Variants in KBTBD3 observed in about 807,000 individuals in gnomAD.
KBTBD3 encodes the protein kelch repeat and BTB domain containing 3.
Under a neutral mutation model 49.6 loss-of-function variants are expected in KBTBD3, and 38 were observed. The observed-to-expected ratio is 0.77, with a 90% CI of 0.59 to 1.00. The LOEUF is 1.00. Among genes scored for constraint, KBTBD3 ranks in the 50% least tolerant of loss-of-function variants. The pLI, the probability that KBTBD3 is intolerant of heterozygous loss-of-function variation, is 0.00. For missense variants in KBTBD3, 661 were observed against 712.0 expected (o/e 0.93, Z 0.81); for synonymous variants, 214 against 250.4 (o/e 0.85, Z 1.37).
At position 106,052,753 on chromosome 11, in the gene KBTBD3, A is replaced by C. The variant is rs1239620008; in HGVS notation, c.*97T>G. The C allele has an allele frequency of 2.1e-6, 2 of 939,888 alleles. No individual in the cohort carries two copies. Among genetic ancestry groups the C allele is most frequent in the Non-Finnish European group, 3.2e-6 (2 of 621,428 alleles). The allele number at this position is 939,888 out of a possible 1,614,324, so 58.2% of individuals were successfully genotyped here. On this transcript the variant is annotated 3_prime_UTR_variant, in exon 4 of 4. Coordinates refer to ENST00000531837, the MANE Select transcript of KBTBD3 (RefSeq NM_198439.3). ...TACATACATAATAACTAAAAGCAGG[A>C]ATGTTTTATTTCATTAAGATGTATA...
intron 2 of KBTBD3, among the ~76,000 whole-genome samples, chr11:106,065,085 G>A (rs1860779513): frequency 6.6e-6 from 1 of 152,188 alleles, no homozygotes; most frequent in Non-Finnish European, 1.5e-5. Flanking sequence ...CATCCTCCAG[G>A]CTATCCAGTA....
At chr11:106,057,406 T>C (rs1860575192) in intron 3 of KBTBD3, 1 of 152,226 alleles carries the variant, frequency 6.6e-6, no homozygotes, top group Non-Finnish European at 1.5e-5. Context: ...CTTCCACAAA[T>C]GAACATAATG....
rs73537630 is a variant in KBTBD3 at position 106,067,067 on chromosome 11, T to C, written c.-12-7958A>G. On this transcript the variant is annotated intron_variant, in intron 2 of 3. Coordinates refer to ENST00000531837, the MANE Select transcript of KBTBD3 (RefSeq NM_198439.3). ...CCAGTGGGCACACACATAAACAGCC[T>C]CCAAACTGCCCTCTTTAATCACAGA... 3.3e-3 allele frequency among the ~76,000 whole-genome samples: 497 copies of C among 152,116 alleles called. 2 individuals carry two copies. Among genetic ancestry groups the C allele is most frequent in the African/African-American group, 0.011 (471 of 41,478 alleles).
rs1359154636 is a variant in KBTBD3 at position 106,052,029 on chromosome 11, A to G, written c.*821T>C. 6.6e-6 allele frequency: 1 copy of G among 151,932 alleles called. No homozygotes were observed. The highest frequency in any genetic ancestry group is 2.4e-5 in the African/African-American group (1 of 41,432). The allele number at this position is 151,932 out of a possible 1,614,324, so 9.4% of individuals were successfully genotyped here. On this transcript the variant is annotated 3_prime_UTR_variant, in exon 4 of 4. Coordinates refer to ENST00000531837, the MANE Select transcript of KBTBD3 (RefSeq NM_198439.3). ...TGGAACCTAGCAATGATACATAAAA[A>G]GTATTTTAGTACTGCCATCCCAGAA...
chr11:106,077,124 G>A (rs1473231139), intron 1 of KBTBD3, among the ~76,000 whole-genome samples, 188 bp downstream of exon 1: 1 of 152,162 alleles, frequency 6.6e-6, no homozygotes, highest in Non-Finnish European at 1.5e-5. Flanking sequence ...ACTCAGGGCT[G>A]ATGCGTTGCA....
At chr11:106,064,479 G>C (rs1287657586) in intron 2 of KBTBD3, among the ~76,000 whole-genome samples, 2 of 151,724 alleles carry the variant, frequency 1.3e-5, no homozygotes, top group Non-Finnish European at 2.9e-5. Context: ...GGGAGGCAGA[G>C]GTTGCAGTGG....
At chr11:106,063,433 A>C (rs1378090473) in intron 2 of KBTBD3, among the ~76,000 whole-genome samples, 1 of 152,224 alleles carries the variant, frequency 6.6e-6, no homozygotes, top group Non-Finnish European at 1.5e-5. Context: ...ACTCCGTTAA[A>C]TTTTATTTAT....
At chr11:106,077,052 C>T (rs878934348) in intron 1 of KBTBD3, among the ~76,000 whole-genome samples, 1 of 152,060 alleles carries the variant, frequency 6.6e-6, no homozygotes, top group Non-Finnish European at 1.5e-5. Flanking sequence ...TGCTAAGGGT[C>T]GGGAGCGTAC....
intron 2 of KBTBD3, among the ~76,000 whole-genome samples, chr11:106,073,149 A>G (rs986050120): frequency 2.0e-5 from 3 of 152,018 alleles, no homozygotes; most frequent in Admixed American, 2.0e-4. Flanking sequence ...GATGGACTGC[A>G]GTGGCAAGAT....
chr11:106,061,747 A>C (rs924746657), intron 2 of KBTBD3, among the ~76,000 whole-genome samples: 1 of 151,900 alleles, frequency 6.6e-6, no homozygotes, highest in Non-Finnish European at 1.5e-5. Context: ...TAATCACATG[A>C]GCTAATTCCT....
intron 3 of KBTBD3, 32 bp from the exon 4 acceptor site, chr11:106,054,487 A>T: frequency 6.9e-7 from 1 of 1,441,772 alleles, no homozygotes; most frequent in Non-Finnish European, 9.2e-7. Context: ...AAAAACAGCA[A>T]GAATATTTTA....
At chr11:106,057,850 C>G (rs779214955) in intron 3 of KBTBD3, 3 of 376,102 alleles carry the variant, frequency 8.0e-6, no homozygotes, top group East Asian at 7.6e-5. Context: ...CAACACAGGA[C>G]GGAAATTTTC....
At chr11:106,063,703 T>C (rs1860749410) in intron 2 of KBTBD3, among the ~76,000 whole-genome samples, 1 of 152,130 alleles carries the variant, frequency 6.6e-6, no homozygotes, top group East Asian at 1.9e-4. Flanking sequence ...AAGGCTGAGA[T>C]GGGCAGATCA....
At chr11:106,059,570 G>A (rs1860639981) in intron 2 of KBTBD3, among the ~76,000 whole-genome samples, 1 of 152,158 alleles carries the variant, frequency 6.6e-6, no homozygotes, top group Admixed American at 6.5e-5. Flanking sequence ...GCCTTCTGAG[G>A]TTAGACTTTT....
intron 2 of KBTBD3, among the ~76,000 whole-genome samples, chr11:106,074,957 A>G (rs1283546604): frequency 5.3e-5 from 8 of 152,228 alleles, no homozygotes; most frequent in Non-Finnish European, 1.2e-4. Context: ...TTGTGACCCA[A>G]TAAAAAGTTA....
chr11:106,053,066 G>A lies in KBTBD3; in HGVS notation c.1623C>T (p.Gly541=). 1.9e-6 allele frequency: 3 copies of A among 1,613,594 alleles called. No homozygotes were observed. The highest frequency in any genetic ancestry group is 2.5e-6 in the Non-Finnish European group (3 of 1,179,726). Residue 541 remains glycine (G), a synonymous_variant, in exon 4 of 4, where the codon GGC becomes GGT. Coordinates refer to ENST00000531837, the MANE Select transcript of KBTBD3 (RefSeq NM_198439.3). The part of the protein sequence containing the change: ...WKGEGSFECA[G]FNAGAIGIED... The stretch of plus-strand genomic sequence containing the variant: ...CAATTCCAATTGCACCTGCATTAAA[G>A]CCTGCACACTCAAAAGATCCTTCGC...
intron 3 of KBTBD3, among the ~76,000 whole-genome samples, chr11:106,058,456 G>A (rs1406515804): frequency 6.6e-6 from 1 of 151,186 alleles, no homozygotes; most frequent in African/African-American, 2.4e-5. Context: ...ATGGAGTCTC[G>A]CTCCATTGCC....
At chr11:106,064,510 C>A (rs1162249758) in intron 2 of KBTBD3, among the ~76,000 whole-genome samples, 1 of 148,006 alleles carries the variant, frequency 6.8e-6, no homozygotes, top group African/African-American at 2.5e-5. Flanking sequence ...TGCCATTGCA[C>A]TCCAGCCTGG....
Position 106,074,228 on chromosome 11 carries a change from A to T in KBTBD3, c.-13+2279T>A, listed in dbSNP as rs1221629702. On this transcript the variant is annotated intron_variant, in intron 2 of 3. Transcript: ENST00000531837. ...ATCTTCCATCTTTAAACAAACATCA[A>T]ACAAAAATCTGTCCTTTGACCTTTT... Among the ~76,000 whole-genome samples, 4 of 151,840 alleles carry T rather than the reference A, an allele frequency of 2.6e-5. No homozygotes were observed. In the East Asian group the frequency reaches 5.8e-4, roughly 22 times the overall value.
Sources: gnomAD v4.1 joint callset for allele counts (sites outside exome capture counted in the v4.1 genomes callset) on GRCh38, gnomAD v4.1.1 for gene constraint, MANE v1.5 for transcripts, NCBI Gene and HGNC (gene_info 2026-07-23, HGNC 2026-07-21) for gene names.